PCDH15: variants seen among roughly 807,000 people sequenced by gnomAD.
PCDH15 encodes the protein protocadherin-15.
In PCDH15, 129 loss-of-function variants were observed where a neutral mutation model predicts 178.5. The observed-to-expected ratio is 0.72, with a 90% confidence interval of 0.63 to 0.84. The LOEUF is 0.84. Among genes scored for constraint, PCDH15 ranks in the 40% least tolerant of loss-of-function variants. The pLI is 0.00. For missense variants in PCDH15, 2,230 were observed against 2,099.9 expected (o/e 1.06, Z -1.21); for synonymous variants, 800 against 732.0 (o/e 1.09, Z -1.50).
chr10:55,161,355 T>A (rs1249493089), intron 2 of PCDH15, among the ~76,000 whole-genome samples: 2 of 152,144 alleles, frequency 1.3e-5, no homozygotes, highest in Admixed American at 6.6e-5. Context: ...AGACATTTTT[T>A]AAAACTACCT....
intron 2 of PCDH15, among the ~76,000 whole-genome samples, chr10:54,954,354 C>A (rs1054082264): frequency 3.3e-5 from 5 of 151,118 alleles, no homozygotes; most frequent in East Asian, 1.9e-4. Flanking sequence ...AAAAAAAATT[C>A]TAATATCTTC....
At chr10:54,813,342 G>A (rs1449731868) in intron 3 of PCDH15, among the ~76,000 whole-genome samples, 5 of 151,810 alleles carry the variant, frequency 3.3e-5, no homozygotes, top group Non-Finnish European at 5.9e-5. Flanking sequence ...CATACCATCT[G>A]CTTAGTAGAT....
chr10:54,108,832 T>C (rs531205665), intron 15 of PCDH15, among the ~76,000 whole-genome samples: 1 of 152,166 alleles, frequency 6.6e-6, no homozygotes, highest in Non-Finnish European at 1.5e-5. Flanking sequence ...TAGTCAGTCA[T>C]GAGGCTCCCA....
chr10:53,970,073 TAA>T (rs1439841495), intron 21 of PCDH15, among the ~76,000 whole-genome samples: 2 of 152,014 alleles, frequency 1.3e-5, no homozygotes, highest in East Asian at 1.9e-4. Flanking sequence ...GCAAACTGGA[TAA>T]AGAGTCAAGA....
intron 8 of PCDH15, among the ~76,000 whole-genome samples, chr10:54,244,891 G>A (rs1399198157): frequency 6.6e-6 from 1 of 152,158 alleles, no homozygotes; most frequent in Non-Finnish European, 1.5e-5. Context: ...ACAATCTTGG[G>A]AGAATTTATT....
At chr10:54,174,629 A>G (rs1410736496) in intron 13 of PCDH15, among the ~76,000 whole-genome samples, 2 of 151,922 alleles carry the variant, frequency 1.3e-5, no homozygotes, top group Non-Finnish European at 1.5e-5. Flanking sequence ...AGTATGTTTC[A>G]AGAATAACTT....
chr10:55,507,339 C>A (rs1840779608), intron 2 of PCDH15, among the ~76,000 whole-genome samples: 1 of 151,390 alleles, frequency 6.6e-6, no homozygotes, highest in Non-Finnish European at 1.5e-5. Flanking sequence ...TGAACATGCA[C>A]ATACACACAC....
intron 18 of PCDH15, among the ~76,000 whole-genome samples, chr10:54,040,062 G>A (rs1304883118): frequency 6.6e-6 from 1 of 151,928 alleles, no homozygotes; most frequent in Admixed American, 6.6e-5. Flanking sequence ...TGCAAATCAT[G>A]CACTATACAA....
intron 3 of PCDH15, among the ~76,000 whole-genome samples, chr10:54,441,899 A>G (rs554841550): frequency 1.3e-5 from 2 of 151,898 alleles, no homozygotes; most frequent in African/African-American, 4.8e-5. Context: ...TAAACTTGAG[A>G]TAAGAGAGCA....
rs1461088713 is a variant in PCDH15, at chr10:55,384,667, C to T, written c.-155-218016G>A. 2.6e-5 allele frequency among the ~76,000 whole-genome samples: 4 copies of T among 152,076 alleles called. No individual in the cohort carries two copies. In the South Asian group the frequency reaches 8.3e-4, roughly 32 times the overall value. ...GCTGCTTAATAAAATACTATTGCAA[C>T]ATTTAAAAATATAAGTACTTGTATA... On this transcript the variant is annotated intron_variant, in intron 2 of 5. Transcript: ENST00000613346.
Position 54,886,182 on chromosome 10 carries a change from G to A in PCDH15, c.-29+11268C>T, listed in dbSNP as rs573570120. Among the ~76,000 whole-genome samples, 43 of 145,212 alleles carry A rather than the reference G, an allele frequency of 3.0e-4. 2 individuals are homozygous for A. Among genetic ancestry groups the A allele is most frequent in the African/African-American group, 1.0e-3 (36 of 35,128 alleles). ...AATGGCAGTAGGTTCAAAGATCTAC[G>A]GAAATGAGACATTTAATTTATAGTT... On this transcript the variant is annotated intron_variant, in intron 3 of 5. Transcript: ENST00000458638.
chr10:53,871,178 A>T (rs1480981409), intron 26 of PCDH15, among the ~76,000 whole-genome samples: 3 of 31,656 alleles, frequency 9.5e-5, no homozygotes, highest in Admixed American at 5.8e-4. Context: ...CTAAAAATTA[A>T]AAAAAAAAAA....
intron 26 of PCDH15, among the ~76,000 whole-genome samples, chr10:53,902,052 A>G (rs1041068860): frequency 1.3e-5 from 2 of 152,182 alleles, no homozygotes; most frequent in African/African-American, 4.8e-5. Context: ...TAGGTACTCA[A>G]ACATATTTGA....
At chr10:54,212,908 C>CCGAA (rs904657569) in intron 10 of PCDH15, among the ~76,000 whole-genome samples, 1 of 152,090 alleles carries the variant, frequency 6.6e-6, no homozygotes, top group African/African-American at 2.4e-5. Context: ...CTTACCTTAT[C>CCGAA]CGAACTTTAG....
chr10:54,364,026 A>T (rs1946443290), intron 5 of PCDH15, among the ~76,000 whole-genome samples: 1 of 152,030 alleles, frequency 6.6e-6, no homozygotes, highest in South Asian at 2.1e-4. Flanking sequence ...CAGCCTGACC[A>T]ACATGGAGAA....
chr10:53,820,735 G>A (rs1018518036), intron 32 of PCDH15, among the ~76,000 whole-genome samples: 2 of 151,906 alleles, frequency 1.3e-5, no homozygotes, highest in Non-Finnish European at 2.9e-5. Context: ...GTTTCCTTAG[G>A]AAGGAAGGGA....
intron 2 of PCDH15, among the ~76,000 whole-genome samples, chr10:55,024,329 T>TA (rs35042447): frequency 3.6e-4 from 48 of 135,058 alleles, no homozygotes; most frequent in Middle Eastern, 4.3e-3. Context: ...ATATATATAT[T>TA]CCCATATATA....
intron 2 of PCDH15, among the ~76,000 whole-genome samples, chr10:55,614,559 C>T (rs191961645): frequency 6.6e-5 from 10 of 152,164 alleles, no homozygotes; most frequent in Admixed American, 2.0e-4. Flanking sequence ...ACAGAAATGA[C>T]CTACAGTAAA....
At chr10:54,067,958 TTTTTTTA>T (rs1458558024) in intron 17 of PCDH15, among the ~76,000 whole-genome samples, 1 of 147,296 alleles carries the variant, frequency 6.8e-6, no homozygotes, top group East Asian at 1.9e-4. Context: ...GTCAAGTGAT[TTTTTTTA>T]TTTTTTATTT....
Sources: allele counts gnomAD v4.1 joint callset (sites outside exome capture counted in the v4.1 genomes callset), GRCh38; gene constraint gnomAD v4.1.1; transcripts MANE v1.5; gene names NCBI Gene and HGNC (gene_info 2026-07-23, HGNC 2026-07-21).